The following OSER1 variants were observed in gnomAD, a reference collection of about 807,000 sequenced individuals.
OSER1 encodes oxidative stress responsive serine rich 1, also known as oxidative stress-responsive serine-rich protein 1.
Under a neutral mutation model 26.3 loss-of-function variants are expected in OSER1, and 15 were observed. That is an observed-to-expected ratio of 0.57 (90% CI 0.38 to 0.88). The LOEUF (loss-of-function observed/expected upper bound fraction) is 0.88. OSER1 is among the 40% of genes least tolerant of loss of function. The pLI is 0.00. For missense variants in OSER1, 313 were observed against 353.9 expected, an observed-to-expected ratio of 0.88 and a Z score of 0.93; for synonymous variants, 127 against 128.2, an observed-to-expected ratio of 0.99 and a Z score of 0.07.
chr20:44,197,294 C>A lies in OSER1; in HGVS notation c.637G>T (p.Glu213Ter). ...TGCAGGCCTGAAAAGGAATACACTT[C>A]CATATCATGCCATCTCTTACACTGG... ...ECQCKRWHDM[E>*]VYSFSGLQSV... The change falls in exon 4 of 4, where the codon GAA becomes TAA. Residue 213 changes from glutamate (E) to a stop codon, truncating the protein, a stop_gained. Coordinates refer to ENST00000255174, the MANE Select transcript of OSER1 (RefSeq NM_016470.8). LOFTEE classifies it high-confidence loss of function. The A allele has an allele frequency of 1.2e-6, 2 of 1,614,164 alleles. No individual in the cohort carries two copies. Among genetic ancestry groups the A allele is most frequent in the Non-Finnish European group, 1.7e-6 (2 of 1,179,980 alleles).
In OSER1 at chr20:44,196,375, C is replaced by A. The variant is rs2072919786; in HGVS notation, c.*677G>T. On this transcript the variant is annotated 3_prime_UTR_variant, in exon 4 of 4. Transcript: ENST00000255174. ...CACACTCGTTTCAAATATTACACCC[C>A]CTCCCTCCAACTGAAGCAGCCCATT... 1 of 152,066 alleles carries A rather than the reference C, an allele frequency of 6.6e-6. No individual in the cohort carries two copies. The highest frequency in any genetic ancestry group is 2.4e-5 in the African/African-American group (1 of 41,384). 9.4% of individuals were successfully genotyped at this position (152,066 alleles called of 1,614,324 possible).
At chr20:44,211,131 G>A (rs567019330), upstream of OSER1, 1 of 152,406 alleles carries the variant, frequency 6.6e-6, no homozygotes, top group African/African-American at 2.4e-5. Context: ...ACCGCCCCGG[G>A]ATCTCCTTGC....
At position 44,200,649 on chromosome 20, in the gene OSER1, G is replaced by A. The variant is rs956732186; in HGVS notation, c.191+2312C>T. On this transcript the variant is annotated intron_variant, in intron 3 of 3. Coordinates refer to ENST00000255174, the MANE Select transcript of OSER1 (RefSeq NM_016470.8). ...TGAAGAAACGAATACAGAGAACAGAGGACAAGTGATTTTTATAGACATAAT... is the reference window on the plus strand; with the variant it reads ...TGAAGAAACGAATACAGAGAACAGAAGACAAGTGATTTTTATAGACATAAT... Among the ~76,000 whole-genome samples the A allele has an allele frequency of 8.5e-5, 13 of 152,254 alleles. No individual in the cohort carries two copies. The East Asian group carries it at 1.3e-3, about 16-fold the overall frequency.
At chr20:44,206,351 A>G (rs1221696778) in intron 2 of OSER1, among the ~76,000 whole-genome samples, 2 of 152,228 alleles carry the variant, frequency 1.3e-5, no homozygotes, top group Non-Finnish European at 1.5e-5. Flanking sequence ...GTGAAATACT[A>G]ACATTCAGAG....
At chr20:44,209,305 AT>A (rs1188767544) in intron 1 of OSER1, among the ~76,000 whole-genome samples, 18 of 152,198 alleles carry the variant, frequency 1.2e-4, no homozygotes, top group Non-Finnish European at 2.4e-4. Context: ...GACTTCCAGC[AT>A]TTTTTTACTA....
chr20:44,206,368 T>C (rs2073037837), intron 2 of OSER1, among the ~76,000 whole-genome samples: 2 of 152,196 alleles, frequency 1.3e-5, no homozygotes, highest in Admixed American at 6.5e-5. Flanking sequence ...AGAGAGCAGC[T>C]GGTATGCAGG....
At chr20:44,207,211 ATACT>A in intron 1 of OSER1, 1 of 297,092 alleles carries the variant, frequency 3.4e-6, no homozygotes, top group Non-Finnish European at 6.2e-6. Flanking sequence ...AACTGTTCAC[ATACT>A]TGATGCCAAA....
chr20:44,208,819 T>G (rs1476345994), intron 1 of OSER1, among the ~76,000 whole-genome samples: 1 of 152,226 alleles, frequency 6.6e-6, no homozygotes, highest in Non-Finnish European at 1.5e-5. Context: ...TCATAAATCA[T>G]CTGAGCCAAT....
At chr20:44,201,360 G>C (rs2072980086) in intron 3 of OSER1, among the ~76,000 whole-genome samples, 1 of 152,200 alleles carries the variant, frequency 6.6e-6, no homozygotes, top group Admixed American at 6.5e-5. Context: ...CATGGATACA[G>C]ATGATTGTTA....
In OSER1 at chr20:44,203,081, A is replaced by G. The variant is rs967839312; in HGVS notation, c.78-7T>C. On this transcript the variant is annotated splice_polypyrimidine_tract_variant and splice_region_variant and intron_variant, in intron 2 of 3. Coordinates refer to ENST00000255174, the MANE Select transcript of OSER1 (RefSeq NM_016470.8). Reference sequence around the variant, plus strand: ...AGACAGAGATGCTACAGACCTGAAGACAAGAACAAAGTTTACAGCTACAAA... The same window carrying G: ...AGACAGAGATGCTACAGACCTGAAGGCAAGAACAAAGTTTACAGCTACAAA... The G allele has an allele frequency of 6.6e-7, 1 of 1,519,114 alleles. No individual in the cohort carries two copies. Among genetic ancestry groups the G allele is most frequent in the Non-Finnish European group, 9.1e-7 (1 of 1,094,466 alleles). 94.1% of individuals were successfully genotyped at this position (1,519,114 alleles called of 1,614,324 possible).
chr20:44,204,817 G>A (rs1569240991), intron 2 of OSER1, among the ~76,000 whole-genome samples: 1 of 152,004 alleles, frequency 6.6e-6, no homozygotes, highest in Non-Finnish European at 1.5e-5. Flanking sequence ...GTAATTTTTA[G>A]GGATACCAAA....
chr20:44,205,939 C>CAAA lies in OSER1; in HGVS notation c.77+939_77+941dup, dbSNP rs3037684. Among the ~76,000 whole-genome samples the CAAA allele has an allele frequency of 4.6e-4, 33 of 71,650 alleles. 1 individual carries two copies. Among genetic ancestry groups the CAAA allele is most frequent in the East Asian group, 9.4e-4 (2 of 2,128 alleles). 47.0% of individuals were successfully genotyped at this position (71,650 alleles called of 152,430 possible). On this transcript the variant is annotated intron_variant, in intron 2 of 3. Transcript: ENST00000255174. Reference sequence around the variant, plus strand: ...TGGGCGACAGGGCCAGAATCCGTCTCAAAAAAAAAAAAAAAAAAAAAAAAG... The same window carrying CAAA: ...TGGGCGACAGGGCCAGAATCCGTCTCAAAAAAAAAAAAAAAAAAAAAAAAAAAG...
In OSER1 at chr20:44,206,952, T is replaced by C; in HGVS notation, c.6A>G (p.Lys2=). The C allele has an allele frequency of 6.2e-7, 1 of 1,607,992 alleles. No homozygotes were observed. Among genetic ancestry groups the C allele is most frequent in the Non-Finnish European group, 8.5e-7 (1 of 1,174,834 alleles). M[K]SEAKDGEEES... ...CCTCCTCTCCATCCTTGGCTTCGGA[T>C]TTCATTGTGCAAGTTTTTACACTAC... The change falls in exon 2 of 4, where the codon AAA becomes AAG. Residue 2 remains lysine (K), a synonymous_variant. Coordinates refer to ENST00000255174, the MANE Select transcript of OSER1 (RefSeq NM_016470.8).
At position 44,197,284 on chromosome 20, in the gene OSER1, G is replaced by A. The variant is rs1373759440; in HGVS notation, c.647C>T (p.Ser216Phe). 1 of 1,614,048 alleles carries A rather than the reference G, an allele frequency of 6.2e-7. No individual in the cohort carries two copies. Among genetic ancestry groups the A allele is most frequent in the Non-Finnish European group, 8.5e-7 (1 of 1,179,872 alleles). The change falls in exon 4 of 4, where the codon TCC becomes TTC. Residue 216 changes from serine to phenylalanine, a missense_variant. Coordinates refer to ENST00000255174, the MANE Select transcript of OSER1 (RefSeq NM_016470.8). ...CKRWHDMEVY[S>F]FSGLQSVPPL... ...AGGGACACTCTGCAGGCCTGAAAAG[G>A]AATACACTTCCATATCATGCCATCT...
At chr20:44,207,099 A>G in intron 1 of OSER1, 101 bp from the exon 2 acceptor site, 2 of 589,400 alleles carry the variant, frequency 3.4e-6, no homozygotes, top group Non-Finnish European at 6.0e-6. Flanking sequence ...TTATTTCAAA[A>G]AGGAAGTTTC....
In OSER1 at chr20:44,207,126, G is replaced by A. The variant is rs1600498025; in HGVS notation, c.-41-128C>T. ...GGAAGTTTCAGTGTAGATAACTGGA[G>A]ACTATAGGTTTTATTTCTTAAAGGG... On this transcript the variant is annotated intron_variant, in intron 1 of 3. Coordinates refer to ENST00000255174, the MANE Select transcript of OSER1 (RefSeq NM_016470.8). The A allele has an allele frequency of 5.6e-6, 3 of 534,390 alleles. No individual in the cohort carries two copies. The South Asian group carries it at 8.2e-5, about 15-fold the overall frequency. The allele number at this position is 534,390 out of a possible 1,614,324, so 33.1% of individuals were successfully genotyped here. A position where few individuals can be genotyped will look rare whatever the true frequency, so the allele number is the denominator to read the frequency against.
intron 2 of OSER1, among the ~76,000 whole-genome samples, chr20:44,203,287 T>C (rs753987773): frequency 4.6e-5 from 7 of 152,150 alleles, no homozygotes; most frequent in Admixed American, 2.0e-4. Flanking sequence ...AGCCAAAGAA[T>C]GACTGGTAAG....
At chr20:44,199,915 C>T (rs574650923) in intron 3 of OSER1, among the ~76,000 whole-genome samples, 19 of 152,276 alleles carry the variant, frequency 1.2e-4, no homozygotes, top group African/African-American at 3.4e-4. Context: ...GAATGACTGA[C>T]GGGAAAATAA....
At chr20:44,208,896 G>A (rs948780610) in intron 1 of OSER1, among the ~76,000 whole-genome samples, 3 of 152,128 alleles carry the variant, frequency 2.0e-5, no homozygotes, top group Non-Finnish European at 4.4e-5. Context: ...CAGCATTTAC[G>A]TACACATCAC....
Sources: allele counts gnomAD v4.1 joint callset (sites outside exome capture counted in the v4.1 genomes callset), GRCh38; gene constraint gnomAD v4.1.1; transcripts MANE v1.5; gene names NCBI Gene and HGNC (gene_info 2026-07-23, HGNC 2026-07-21).